The following UTP4 variants were observed in gnomAD, a reference collection of about 807,000 sequenced individuals.
UTP4 encodes U3 small nucleolar RNA-associated protein 4 homolog.
In UTP4, 45 loss-of-function variants were observed where a neutral mutation model predicts 82.4. The observed-to-expected ratio is 0.55, with a 90% CI of 0.43 to 0.70. UTP4 has a LOEUF of 0.70. Among genes scored for constraint, UTP4 ranks in the 30% least tolerant of loss-of-function variants. The pLI is 0.00. For synonymous variants in UTP4, 348 were observed against 300.3 expected (o/e 1.16, Z -1.64); for missense variants, 819 against 858.3 (o/e 0.95, Z 0.57).
intron 2 of UTP4, 157 bp from the exon 3 acceptor site, chr16:69,136,539 C>G: frequency 1.3e-6 from 1 of 754,478 alleles, no homozygotes; most frequent in Non-Finnish European, 2.3e-6. Flanking sequence ...AGAATTTGAG[C>G]TGAAAAAATG....
intron 1 of UTP4, 165 bp downstream of exon 1, chr16:69,132,854 C>G (rs1962666718): frequency 5.1e-6 from 1 of 196,922 alleles, no homozygotes; most frequent in South Asian, 6.5e-5. Context: ...GAAGGGGAGG[C>G]GAAGACCGCG....
chr16:69,158,452 C>T lies in UTP4; in HGVS notation c.1444+1212C>T, dbSNP rs139931232. 2.4e-4 allele frequency among the ~76,000 whole-genome samples: 37 copies of T among 152,092 alleles called. No individual in the cohort carries two copies. The East Asian group carries it at 6.8e-3, about 28-fold the overall frequency. On this transcript the variant is annotated intron_variant, in intron 12 of 16. Coordinates refer to ENST00000314423, the MANE Select transcript of UTP4 (RefSeq NM_032830.3). ...GTGCTAGGATTACAGGTGTGAGTCA[C>T]CATGCCTAGTGAAAGTCAACTCTTT...
chr16:69,162,063 G>A (rs909459402), intron 13 of UTP4, among the ~76,000 whole-genome samples: 1 of 151,732 alleles, frequency 6.6e-6, no homozygotes, highest in Non-Finnish European at 1.5e-5. Context: ...CGCCTCCTAG[G>A]TTCAAGTGAT....
chr16:69,151,402 A>G (rs1216083678), intron 8 of UTP4, among the ~76,000 whole-genome samples: 1 of 150,618 alleles, frequency 6.6e-6, no homozygotes, highest in East Asian at 2.0e-4. Context: ...ACTCACTGCA[A>G]GCTCCGCCTC....
intron 12 of UTP4, among the ~76,000 whole-genome samples, chr16:69,159,755 A>G (rs1388274668): frequency 6.6e-6 from 1 of 152,120 alleles, no homozygotes; most frequent in Non-Finnish European, 1.5e-5. Context: ...TGGGAGGCCA[A>G]GGTGGGCGGA....
chr16:69,137,713 A>G, intron 3 of UTP4, 88 bp from the exon 4 acceptor site: 1 of 775,364 alleles, frequency 1.3e-6, no homozygotes, highest in Non-Finnish European at 2.3e-6. Flanking sequence ...GAATAGAGAG[A>G]GTGTGTGTTG....
At chr16:69,141,777 T>C (rs1416481492) in intron 5 of UTP4, among the ~76,000 whole-genome samples, 1 of 151,668 alleles carries the variant, frequency 6.6e-6, no homozygotes, top group Non-Finnish European at 1.5e-5. Flanking sequence ...TCTTCTTTTT[T>C]ACAGCATTCT....
intron 16 of UTP4, 30 bp from the exon 17 acceptor site, chr16:69,168,791 C>A (rs1191126314): frequency 2.2e-6 from 3 of 1,391,982 alleles, no homozygotes; most frequent in Non-Finnish European, 2.0e-6. Context: ...GATCCTAAGT[C>A]CTGATAGAAT....
intron 2 of UTP4, among the ~76,000 whole-genome samples, chr16:69,134,167 C>T (rs1028526295): frequency 6.6e-6 from 1 of 152,006 alleles, no homozygotes; most frequent in Admixed American, 6.6e-5. Context: ...TTTTCTTCTC[C>T]CCTCCAAGGG....
intron 14 of UTP4, among the ~76,000 whole-genome samples, 190 bp from the exon 15 acceptor site, chr16:69,165,151 C>T (rs991155651): frequency 4.6e-5 from 7 of 151,116 alleles, no homozygotes; most frequent in East Asian, 1.9e-4. Context: ...GCGGAGATCA[C>T]GCCACTACAC....
At chr16:69,150,509 G>C in intron 6 of UTP4, 28 bp from the exon 7 acceptor site, 1 of 1,613,876 alleles carries the variant, frequency 6.2e-7, no homozygotes, top group Non-Finnish European at 8.5e-7. Flanking sequence ...TTGCTTACGT[G>C]TACCTCCCTC....
intron 2 of UTP4, among the ~76,000 whole-genome samples, chr16:69,134,499 GGGAA>G (rs926922462): frequency 2.0e-4 from 14 of 69,896 alleles, no homozygotes; most frequent in African/African-American, 9.8e-4. Context: ...ATTGCCTTCA[GGGAA>G]GGCAATTCAG....
At chr16:69,160,503 C>A in intron 13 of UTP4, 41 bp downstream of exon 13, 1 of 1,439,344 alleles carries the variant, frequency 6.9e-7, no homozygotes, top group Non-Finnish European at 9.8e-7. Context: ...AATCATTGTA[C>A]AGGAGCCAGT....
At chr16:69,155,087 GT>G (rs1313673187) in intron 10 of UTP4, among the ~76,000 whole-genome samples, 1 of 152,096 alleles carries the variant, frequency 6.6e-6, no homozygotes, top group Non-Finnish European at 1.5e-5. Flanking sequence ...CATTTTGTGA[GT>G]TTTTAAAAAC....
intron 10 of UTP4, among the ~76,000 whole-genome samples, chr16:69,154,952 T>A (rs1266626078): frequency 6.6e-6 from 1 of 152,066 alleles, no homozygotes; most frequent in Non-Finnish European, 1.5e-5. Context: ...ACTCCCGACC[T>A]CAGGTGATCC....
intron 11 of UTP4, 69 bp from the exon 12 acceptor site, chr16:69,157,015 C>T: frequency 1.3e-6 from 2 of 1,530,460 alleles, no homozygotes; most frequent in South Asian, 1.1e-5. Flanking sequence ...TTAAGCCTAG[C>T]TGTGATTGTT....
intron 5 of UTP4, among the ~76,000 whole-genome samples, chr16:69,142,835 T>C (rs1364052374): frequency 2.0e-5 from 3 of 152,224 alleles, no homozygotes; most frequent in African/African-American, 7.2e-5. Context: ...AAGGGGTTTC[T>C]GTTCTCATTC....
intron 12 of UTP4, among the ~76,000 whole-genome samples, chr16:69,159,748 G>T (rs1316761197): frequency 6.6e-6 from 1 of 151,984 alleles, no homozygotes; most frequent in Non-Finnish European, 1.5e-5. Context: ...AGCACTTTGG[G>T]AGGCCAAGGT....
In UTP4 at chr16:69,169,020, G is replaced by A; in HGVS notation, c.*83G>A. On this transcript the variant is annotated 3_prime_UTR_variant, in exon 17 of 17. Transcript: ENST00000314423. Reference sequence around the variant, plus strand: ...CATGGTAATAAAACAAGTTATTCTTGAGGACTAGTCATTATAAATGTTTTC... The same window carrying A: ...CATGGTAATAAAACAAGTTATTCTTAAGGACTAGTCATTATAAATGTTTTC... 1.2e-6 allele frequency: 1 copy of A among 848,464 alleles called. No individual in the cohort carries two copies. The highest frequency in any genetic ancestry group is 1.7e-5 in the Admixed American group (1 of 58,974). 52.6% of individuals were successfully genotyped at this position (848,464 alleles called of 1,614,324 possible).
Sources: allele counts gnomAD v4.1 joint callset (sites outside exome capture counted in the v4.1 genomes callset), GRCh38; gene constraint gnomAD v4.1.1; transcripts MANE v1.5; gene names NCBI Gene and HGNC (gene_info 2026-07-23, HGNC 2026-07-21).